GDA: variants seen among roughly 807,000 people sequenced by gnomAD.
The protein encoded by GDA is guanine deaminase, also known as cytoplasmic PSD-95 interactor.
Under a neutral mutation model 59.6 loss-of-function variants are expected in GDA, and 18 were observed. That is an observed-to-expected ratio of 0.30 (90% confidence interval 0.21 to 0.45). The LOEUF (loss-of-function observed/expected upper bound fraction) is 0.45. Among genes scored for constraint, GDA ranks in the 20% least tolerant of loss-of-function variants. GDA has a pLI of 1.00. For synonymous variants in GDA, 201 were observed against 201.1 expected (o/e 1.00, Z 0.00); for missense variants, 427 against 552.3 (o/e 0.77, Z 2.27).
At chr9:72,242,857 G>A (rs1013706038) in intron 11 of GDA, among the ~76,000 whole-genome samples, 3 of 152,128 alleles carry the variant, frequency 2.0e-5, no homozygotes, top group Non-Finnish European at 4.4e-5. Flanking sequence ...TGGTACAAAC[G>A]AGTTGTATTT....
intron 1 of GDA, among the ~76,000 whole-genome samples, chr9:72,132,642 C>T (rs1356710430): frequency 2.0e-5 from 3 of 152,048 alleles, no homozygotes; most frequent in African/African-American, 7.2e-5. Context: ...AGACCTGTAC[C>T]CCCAAAAATG....
chr9:72,201,829 A>G (rs1834041342), intron 2 of GDA, among the ~76,000 whole-genome samples: 1 of 152,172 alleles, frequency 6.6e-6, no homozygotes, highest in Non-Finnish European at 1.5e-5. Context: ...GGACTTTCTA[A>G]TTATAAGAAT....
intron 8 of GDA, among the ~76,000 whole-genome samples, chr9:72,226,641 C>T (rs1185259142): frequency 6.6e-6 from 1 of 152,118 alleles, no homozygotes; most frequent in Non-Finnish European, 1.5e-5. Flanking sequence ...TTCTTAGTGA[C>T]TGTGTGAATG....
chr9:72,143,349 G>A (rs939123074), intron 1 of GDA, among the ~76,000 whole-genome samples: 3 of 151,454 alleles, frequency 2.0e-5, no homozygotes, highest in African/African-American at 7.3e-5. Flanking sequence ...GCCTGGTCTC[G>A]AACTCCTGAC....
intron 5 of GDA, among the ~76,000 whole-genome samples, chr9:72,216,228 TA>T (rs1836092606): frequency 6.6e-6 from 1 of 152,172 alleles, no homozygotes; most frequent in Non-Finnish European, 1.5e-5. Flanking sequence ...CTCACTGAGC[TA>T]AAACATTGCA....
At chr9:72,129,106 G>A in intron 1 of GDA, among the ~76,000 whole-genome samples, 1 of 152,026 alleles carries the variant, frequency 6.6e-6, no homozygotes, top group East Asian at 1.9e-4. Context: ...GAGATTACAG[G>A]CATGCGCCAC....
intron 12 of GDA, among the ~76,000 whole-genome samples, chr9:72,246,617 T>C (rs1209201216): frequency 2.0e-5 from 3 of 152,026 alleles, no homozygotes; most frequent in Admixed American, 1.3e-4. Context: ...AGAGAGAACT[T>C]AGCAAGGCCT....
chr9:72,175,655 C>A (rs1485718646), intron 1 of GDA, among the ~76,000 whole-genome samples: 2 of 152,160 alleles, frequency 1.3e-5, no homozygotes, highest in African/African-American at 4.8e-5. Flanking sequence ...ATTTTAAATT[C>A]TACTTGTGAG....
intron 1 of GDA, among the ~76,000 whole-genome samples, chr9:72,194,772 G>A (rs1832950692): frequency 3.3e-5 from 5 of 152,210 alleles, no homozygotes; most frequent in Admixed American, 3.3e-4. Flanking sequence ...GCCCACTGTA[G>A]TCTGTGGCTA....
intron 9 of GDA, among the ~76,000 whole-genome samples, chr9:72,230,089 G>C (rs1399650997): frequency 6.6e-6 from 1 of 152,170 alleles, no homozygotes; most frequent in East Asian, 1.9e-4. Context: ...TATTATGTAT[G>C]CACCAGGGCT....
rs1371865722 is a variant in GDA, at chr9:72,185,019, T to C, written c.124-10481T>C. 2.0e-5 allele frequency among the ~76,000 whole-genome samples: 3 copies of C among 152,200 alleles called. No individual in the cohort carries two copies. In the East Asian group the frequency reaches 5.8e-4, roughly 29 times the overall value. ...GAAGAAGAGGAAGAAGAAGAAGATTTTATAACAAATGAAAATTACATAAAA... is the reference window on the plus strand; with the variant it reads ...GAAGAAGAGGAAGAAGAAGAAGATTCTATAACAAATGAAAATTACATAAAA... On this transcript the variant is annotated intron_variant, in intron 1 of 13. Transcript: ENST00000358399.
At chr9:72,116,507 C>T (rs1825453724) in intron 1 of GDA, among the ~76,000 whole-genome samples, 1 of 150,602 alleles carries the variant, frequency 6.6e-6, no homozygotes, top group Admixed American at 6.6e-5. Flanking sequence ...CTCAGCCTTC[C>T]GAGTAGGTAG....
intron 5 of GDA, among the ~76,000 whole-genome samples, chr9:72,215,341 T>G (rs1040634960): frequency 2.9e-4 from 44 of 152,286 alleles, no homozygotes; most frequent in African/African-American, 1.0e-3. Flanking sequence ...GAAGAATTTT[T>G]TTTTGTAATG....
Position 72,211,743 on chromosome 9 carries a change from G to C in GDA, c.472+969G>C, listed in dbSNP as rs534212186. On this transcript the variant is annotated intron_variant, in intron 4 of 13. Transcript: ENST00000358399. ...AGATAGGGGAAGGACACAGGTATGG[G>C]AACAGGAGTGTCAATAGTGGATGCA... Among the ~76,000 whole-genome samples, 8 of 152,308 alleles carry C rather than the reference G, an allele frequency of 5.3e-5. No individual in the cohort carries two copies. The South Asian group carries it at 1.0e-3, about 20-fold the overall frequency.
intron 1 of GDA, among the ~76,000 whole-genome samples, chr9:72,181,460 G>A (rs1045958715): frequency 6.6e-6 from 1 of 152,082 alleles, no homozygotes; most frequent in Non-Finnish European, 1.5e-5. Flanking sequence ...GAGTAACTGG[G>A]ATTACAAGCG....
At chr9:72,195,156 T>A (rs1262907063) in intron 1 of GDA, among the ~76,000 whole-genome samples, 2 of 152,218 alleles carry the variant, frequency 1.3e-5, no homozygotes, top group Non-Finnish European at 2.9e-5. Context: ...CAAATTGGTG[T>A]CCTTGCAGGG....
chr9:72,227,890 C>T, intron 8 of GDA, 53 bp from the exon 9 acceptor site: 1 of 913,998 alleles, frequency 1.1e-6, no homozygotes, highest in Non-Finnish European at 1.8e-6. Flanking sequence ...GAGTGAGTAC[C>T]CACTTAATCA....
intron 1 of GDA, among the ~76,000 whole-genome samples, chr9:72,137,220 A>ATT: frequency 7.3e-6 from 1 of 136,310 alleles, no homozygotes; most frequent in Middle Eastern, 3.9e-3. Context: ...AAAAAAAAAA[A>ATT]TTAGGATCCT....
chr9:72,168,868 T>A (rs958072520), intron 1 of GDA, among the ~76,000 whole-genome samples: 1 of 152,204 alleles, frequency 6.6e-6, no homozygotes, highest in African/African-American at 2.4e-5. Flanking sequence ...TGGTTACTGG[T>A]AGAGTTATGA....
Sources: gnomAD v4.1 joint callset for allele counts (sites outside exome capture counted in the v4.1 genomes callset) on GRCh38, gnomAD v4.1.1 for gene constraint, MANE v1.5 for transcripts, NCBI Gene and HGNC (gene_info 2026-07-23, HGNC 2026-07-21) for gene names.